The following NSD2 variants were observed in gnomAD, a reference collection of about 807,000 sequenced individuals.
NSD2 encodes histone-lysine N-methyltransferase NSD2.
Under a neutral mutation model 139.0 loss-of-function variants are expected in NSD2, and 12 were observed. The observed-to-expected ratio is 0.09, with a 90% CI of 0.06 to 0.14. The LOEUF (loss-of-function observed/expected upper bound fraction) is 0.14. Ranked by LOEUF, NSD2 falls within the 10% of genes least tolerant of loss-of-function variation. The pLI is 1.00. For synonymous variants in NSD2, 669 were observed against 648.7 expected (o/e 1.03, Z -0.48); for missense variants, 1,155 against 1,745.0 (o/e 0.66, Z 6.02).
At chr4:1,912,050 G>T in intron 3 of NSD2, 1 of 326,224 alleles carries the variant, frequency 3.1e-6, no homozygotes, top group South Asian at 2.4e-5. Context: ...TTAAAGTAAT[G>T]GAAGAAGTCA....
chr4:1,927,710 C>CT (rs963705885), intron 5 of NSD2, among the ~76,000 whole-genome samples: 2 of 103,490 alleles, frequency 1.9e-5, no homozygotes, highest in African/African-American at 7.9e-5. Context: ...CAATGAGACT[C>CT]TTATCTCAGA....
chr4:1,933,645 C>T (rs570591749), intron 6 of NSD2, among the ~76,000 whole-genome samples: 3 of 152,252 alleles, frequency 2.0e-5, no homozygotes, highest in South Asian at 2.1e-4. Context: ...CCACCCACCT[C>T]GGCCTCCCAG....
In NSD2 at chr4:1,918,459, C is replaced by T. The variant is rs1278980140; in HGVS notation, c.1246C>T (p.Pro416Ser). Residue 416 changes from proline to serine, a missense_variant, in exon 5 of 22, where the codon CCC becomes TCC. Physicochemically the swap from Pro to Ser is moderately conservative, Grantham distance 74. Transcript: ENST00000508803. ...CTCTGCAGAGACCCTGGAGAGTCAC[C>T]CCGACATAGGGAAGAGTACTCCTCA... The part of the protein sequence containing the change: ...CSSAETLESH[P>S]DIGKSTPQKT... 6.2e-7 allele frequency: 1 copy of T among 1,613,740 alleles called. No homozygotes were observed. The highest frequency in any genetic ancestry group is 2.2e-5 in the East Asian group (1 of 44,858).
intron 1 of NSD2, among the ~76,000 whole-genome samples, chr4:1,881,532 G>A (rs931906336): frequency 6.6e-6 from 1 of 152,126 alleles, no homozygotes; most frequent in Non-Finnish European, 1.5e-5. Flanking sequence ...CAAAGTGCTG[G>A]GATTACAGGC....
intron 3 of NSD2, among the ~76,000 whole-genome samples, chr4:1,913,171 T>C (rs1174465567): frequency 6.6e-6 from 1 of 152,120 alleles, no homozygotes; most frequent in Non-Finnish European, 1.5e-5. Context: ...AGAAGACGAG[T>C]GTGAGCCCTC....
intron 1 of NSD2, among the ~76,000 whole-genome samples, chr4:1,882,557 G>A (rs184188004): frequency 1.7e-4 from 26 of 152,200 alleles, no homozygotes; most frequent in Non-Finnish European, 2.5e-4. Context: ...CCAGCTACTC[G>A]GGAGGCTGAG....
At chr4:1,872,633 A>AGAGAGAGAGCGAGC (rs1203166315) in intron 1 of NSD2, among the ~76,000 whole-genome samples, 1 of 131,116 alleles carries the variant, frequency 7.6e-6, no homozygotes, top group South Asian at 2.6e-4. Flanking sequence ...AGAGAGAGAG[A>AGAGAGAGAGCGAGC]GAGCGCGCAG....
chr4:1,946,004 C>T (rs1353581388), intron 9 of NSD2: 1 of 1,044,170 alleles, frequency 9.6e-7, no homozygotes, highest in Non-Finnish European at 1.2e-6. Context: ...GGTGAGAGCC[C>T]TTTTGCCTTA....
intron 1 of NSD2, among the ~76,000 whole-genome samples, chr4:1,896,262 T>C (rs1389740975): frequency 6.6e-6 from 1 of 152,240 alleles, no homozygotes; most frequent in East Asian, 1.9e-4. Context: ...GTATTCCGGC[T>C]GCCAAGCCCC....
At chr4:1,928,645 C>T (rs1217313584) in intron 5 of NSD2, among the ~76,000 whole-genome samples, 7 of 151,920 alleles carry the variant, frequency 4.6e-5, no homozygotes, top group African/African-American at 7.3e-5. Context: ...GGCTGCAGGG[C>T]GCTTGTGACT....
At chr4:1,953,804 T>C (rs1211786062) in intron 12 of NSD2, among the ~76,000 whole-genome samples, 1 of 152,016 alleles carries the variant, frequency 6.6e-6, no homozygotes, top group Non-Finnish European at 1.5e-5. Flanking sequence ...TTTTTTTTTT[T>C]TCTTTATAGA....
chr4:1,947,933 G>C (rs866203436), intron 9 of NSD2: 5 of 1,056,370 alleles, frequency 4.7e-6, no homozygotes, highest in Non-Finnish European at 5.7e-6. Context: ...ATCTGACTGC[G>C]GCTCATACAG....
Position 1,974,619 on chromosome 4 carries a change from C to A in NSD2, c.3373-244C>A, listed in dbSNP as rs777325988. The A allele has an allele frequency of 7.0e-5, 46 of 660,554 alleles. No homozygotes were observed. Among genetic ancestry groups the A allele is most frequent in the Middle Eastern group, 2.9e-4 (1 of 3,396 alleles). 40.9% of individuals were successfully genotyped at this position (660,554 alleles called of 1,614,324 possible). A position where few individuals can be genotyped will look rare whatever the true frequency, so the allele number is the denominator to read the frequency against. On this transcript the variant is annotated intron_variant, in intron 18 of 21. Coordinates refer to ENST00000508803, the MANE Select transcript of NSD2 (RefSeq NM_001042424.3). The surrounding 1 kb of genome is among the most constrained non-coding windows in gnomAD (Gnocchi z 4.0). ...GGAGGATGCTGGGAGCTCCAGCTCC[C>A]TGTCCTGTCCTCCCCGGCGCTCACT...
Position 1,981,488 on chromosome 4 carries a change from T to C in NSD2, c.*2579T>C. 4.0e-6 allele frequency: 1 copy of C among 251,122 alleles called. No homozygotes were observed. Among genetic ancestry groups the C allele is most frequent in the Non-Finnish European group, 7.6e-6 (1 of 130,734 alleles). 15.6% of individuals were successfully genotyped at this position (251,122 alleles called of 1,614,324 possible). A position where few individuals can be genotyped will look rare whatever the true frequency, so the allele number is the denominator to read the frequency against. ...AACCGCCCCAATCCCTCAGGATTCC[T>C]TGGCATCCGAAACCAGCATCTGCAC... On this transcript the variant is annotated 3_prime_UTR_variant, in exon 22 of 22. Coordinates refer to ENST00000508803, the MANE Select transcript of NSD2 (RefSeq NM_001042424.3).
chr4:1,944,898 C>T (rs1723460087), intron 9 of NSD2: 2 of 1,062,772 alleles, frequency 1.9e-6, no homozygotes, highest in Admixed American at 5.4e-5. Flanking sequence ...ATCTCTTATA[C>T]CTGTATCTCC....
chr4:1,909,265 C>G lies in NSD2; in HGVS notation c.760+4887C>G, dbSNP rs181747125. 1.2e-3 allele frequency among the ~76,000 whole-genome samples: 178 copies of G among 152,136 alleles called. 1 individual carries two copies. The highest frequency in any genetic ancestry group is 3.4e-3 in the Middle Eastern group (1 of 294). ...ATCTTGTACTGTTTTTCCCACCACC[C>G]CCCCCAACCCTAGCATCAGCCGTTT... On this transcript the variant is annotated intron_variant, in intron 3 of 21. Coordinates refer to ENST00000508803, the MANE Select transcript of NSD2 (RefSeq NM_001042424.3).
chr4:1,890,453 C>A (rs1300615798), intron 1 of NSD2, among the ~76,000 whole-genome samples: 2 of 151,728 alleles, frequency 1.3e-5, no homozygotes, highest in Non-Finnish European at 2.9e-5. Flanking sequence ...CGCCCGCCAC[C>A]ATGCCCGGCT....
rs1310266241 is a variant in NSD2 at position 1,951,443 on chromosome 4, T to TCCACACACACACACACACAC, written c.2013+240_2013+241insCCACACACACACACACACAC. ...TGAGATTTGTATACACATCATGTAATACACACACACACACACACACACACA... is the reference window on the plus strand; with the variant it reads ...TGAGATTTGTATACACATCATGTAATCCACACACACACACACACACACACACACACACACACACACACACA... On this transcript the variant is annotated intron_variant, in intron 10 of 21. Transcript: ENST00000508803. Among the ~76,000 whole-genome samples, 5 of 101,030 alleles carry TCCACACACACACACACACAC rather than the reference T, an allele frequency of 4.9e-5. 2 individuals are homozygous for TCCACACACACACACACACAC. The highest frequency in any genetic ancestry group is 8.0e-5 in the African/African-American group (2 of 25,130). The allele number at this position is 101,030 out of a possible 152,430, so 66.3% of individuals were successfully genotyped here.
chr4:1,973,874 GCTC>G lies in NSD2; in HGVS notation c.3373-985_3373-983del, dbSNP rs1726771817. ...ACGCGGTTGTGCGGTGGATCTGGCG[GCTC>G]CTCAGGTGGAGGCCGGGGCCGTCCA... is the stretch of plus-strand genomic sequence containing the variant. On this transcript the variant is annotated intron_variant, in intron 18 of 21. Transcript: ENST00000508803. This position sits in a 1 kb window ranked among gnomAD's most constrained non-coding sequence, Gnocchi z 5.5. Among the ~76,000 whole-genome samples, 1 of 152,216 alleles carries G rather than the reference GCTC, an allele frequency of 6.6e-6. No homozygotes were observed. Among genetic ancestry groups the G allele is most frequent in the Non-Finnish European group, 1.5e-5 (1 of 68,044 alleles).
Sources: gnomAD v4.1 joint callset for allele counts (sites outside exome capture counted in the v4.1 genomes callset) on GRCh38, gnomAD v4.1.1 for gene constraint, Gnocchi (gnomAD v3.1) non-coding constraint, MANE v1.5 for transcripts, NCBI Gene and HGNC (gene_info 2026-07-23, HGNC 2026-07-21) for gene names.